Variants in FAM216A observed in about 807,000 individuals in gnomAD.
The protein encoded by FAM216A is protein FAM216A.
A neutral mutation model predicts 37.6 loss-of-function variants in FAM216A; 26 were observed. The observed-to-expected ratio is 0.69, with a 90% confidence interval of 0.51 to 0.96. FAM216A has a LOEUF of 0.96. Ranked by LOEUF, FAM216A falls within the 40% of genes least tolerant of loss-of-function variation. The probability of loss-of-function intolerance (pLI) is 0.00; values close to 1 mark genes in which losing one functional copy is unlikely to be tolerated. For missense variants in FAM216A, 326 were observed against 339.3 expected (o/e 0.96, Z 0.31); for synonymous variants, 110 against 121.7 (o/e 0.90, Z 0.64).
rs1055929397 is a variant in FAM216A, at chr12:110,468,858, C to A, written c.-18C>A. 1 of 1,486,666 alleles carries A rather than the reference C, an allele frequency of 6.7e-7. No homozygotes were observed. Among genetic ancestry groups the A allele is most frequent in the African/African-American group, 1.4e-5 (1 of 71,640 alleles). 92.1% of individuals were successfully genotyped at this position (1,486,666 alleles called of 1,614,324 possible). On this transcript the variant is annotated 5_prime_UTR_variant, in exon 1 of 7. Coordinates refer to ENST00000377673, the MANE Select transcript of FAM216A (RefSeq NM_013300.3). The stretch of plus-strand genomic sequence containing the variant: ...CGGAATACCAGCAGCCTGACGCACG[C>A]GTGCTGTCGGGGGAGGGATGCTGGG...
intron 2 of FAM216A, among the ~76,000 whole-genome samples, chr12:110,483,229 C>G (rs1421946452): frequency 6.6e-6 from 1 of 151,152 alleles, no homozygotes; most frequent in Non-Finnish European, 1.5e-5. Flanking sequence ...GAGGCTGAGG[C>G]AGGAGAATGG....
intron 2 of FAM216A, among the ~76,000 whole-genome samples, chr12:110,477,077 G>T (rs180986267): frequency 6.6e-4 from 101 of 152,276 alleles, no homozygotes; most frequent in African/African-American, 2.3e-3. Flanking sequence ...TGTTTCCTCC[G>T]ATGAGATTCA....
intron 6 of FAM216A, among the ~76,000 whole-genome samples, chr12:110,488,410 C>CAAAAAA (rs572459416): frequency 3.9e-5 from 2 of 50,936 alleles, no homozygotes; most frequent in Non-Finnish European, 8.3e-5. Flanking sequence ...GACTCCATCT[C>CAAAAAA]AAAAAAAAAA....
chr12:110,469,140 G>A, intron 1 of FAM216A, 122 bp downstream of exon 1: 1 of 1,153,108 alleles, frequency 8.7e-7, no homozygotes, highest in Non-Finnish European at 1.1e-6. Context: ...GCTGGCCCCG[G>A]TGCCCTCAAG....
chr12:110,488,421 A>AG (rs1245318141), intron 6 of FAM216A, among the ~76,000 whole-genome samples: 1 of 151,770 alleles, frequency 6.6e-6, no homozygotes, highest in East Asian at 1.9e-4. Context: ...AAAAAAAAAA[A>AG]AAAAAAGAAA....
chr12:110,488,009 A>G, intron 6 of FAM216A, 66 bp downstream of exon 6: 1 of 902,826 alleles, frequency 1.1e-6, no homozygotes, highest in Admixed American at 2.2e-5. Flanking sequence ...TATACCAAAT[A>G]CAATTTCATT....
chr12:110,485,277 TAGAG>T, intron 3 of FAM216A, 78 bp downstream of exon 3: 2 of 1,354,590 alleles, frequency 1.5e-6, no homozygotes, highest in East Asian at 4.7e-5. Context: ...ATCAGCTGCT[TAGAG>T]GGTGAGATAC....
At chr12:110,489,805 A>G (rs1362524420) in intron 6 of FAM216A, among the ~76,000 whole-genome samples, 1 of 152,218 alleles carries the variant, frequency 6.6e-6, no homozygotes, top group Non-Finnish European at 1.5e-5. Flanking sequence ...CTTAGTAACA[A>G]GAGAATTTGC....
At chr12:110,469,591 C>A (rs1219265340) in intron 1 of FAM216A, among the ~76,000 whole-genome samples, 3 of 151,784 alleles carry the variant, frequency 2.0e-5, no homozygotes, top group African/African-American at 4.8e-5. Flanking sequence ...CTCACTGCAA[C>A]CTCAGCCTCC....
At chr12:110,483,749 T>C (rs1243970093) in intron 2 of FAM216A, among the ~76,000 whole-genome samples, 1 of 151,736 alleles carries the variant, frequency 6.6e-6, no homozygotes, top group Non-Finnish European at 1.5e-5. Flanking sequence ...ACCTGGGAGG[T>C]GGAGGTTGCA....
chr12:110,474,102 G>A (rs2062702296), intron 2 of FAM216A, among the ~76,000 whole-genome samples: 1 of 151,978 alleles, frequency 6.6e-6, no homozygotes, highest in South Asian at 2.1e-4. Flanking sequence ...ATATATGTGT[G>A]CATATATACA....
At position 110,469,093 on chromosome 12, in the gene FAM216A, C is replaced by T. The variant is rs985731676; in HGVS notation, c.143+75C>T. On this transcript the variant is annotated intron_variant, in intron 1 of 6. Transcript: ENST00000377673. ...CGTGAGGCCCCCGGGTCGTGAGCCC[C>T]GTGGAGGAGGGCTGCGGCCGACCTC... 5.1e-4 allele frequency: 679 copies of T among 1,334,374 alleles called. 5 individuals are homozygous for T. The highest frequency in any genetic ancestry group is 2.7e-4 in the Non-Finnish European group (277 of 1,040,712). 82.7% of individuals were successfully genotyped at this position (1,334,374 alleles called of 1,614,324 possible).
intron 2 of FAM216A, among the ~76,000 whole-genome samples, chr12:110,482,655 C>T (rs943064490): frequency 4.0e-5 from 6 of 151,278 alleles, no homozygotes; most frequent in South Asian, 4.2e-4. Flanking sequence ...ATTAGCCGGG[C>T]GCAGTGGCGG....
Position 110,490,266 on chromosome 12 carries a change from A to G in FAM216A, c.*129A>G, listed in dbSNP as rs140090013. ...GTAATTTTGGTTTGTTCAGAAACTT[A>G]AAACAATGTAATTGGTCTGATGTAG... is the stretch of plus-strand genomic sequence containing the variant. On this transcript the variant is annotated 3_prime_UTR_variant, in exon 7 of 7. Transcript: ENST00000377673. 1,479 of 705,576 alleles carry G rather than the reference A, an allele frequency of 2.1e-3. No homozygotes were observed. Among genetic ancestry groups the G allele is most frequent in the Non-Finnish European group, 3.4e-3 (1,320 of 393,124 alleles). The allele number at this position is 705,576 out of a possible 1,614,324, so 43.7% of individuals were successfully genotyped here.
intron 5 of FAM216A, 155 bp from the exon 6 acceptor site, chr12:110,487,706 A>C (rs887673087): frequency 7.9e-6 from 5 of 634,040 alleles, no homozygotes; most frequent in African/African-American, 7.5e-5. Context: ...GCAGCTTTAC[A>C]TGTCAGGGTT....
intron 2 of FAM216A, among the ~76,000 whole-genome samples, chr12:110,474,776 C>T (rs2062706178): frequency 6.8e-6 from 1 of 146,402 alleles, no homozygotes; most frequent in Admixed American, 6.8e-5. Flanking sequence ...CTGAGGCGGG[C>T]AGATCACCTG....
At chr12:110,471,855 T>C (rs1319192560) in intron 1 of FAM216A, among the ~76,000 whole-genome samples, 1 of 152,196 alleles carries the variant, frequency 6.6e-6, no homozygotes, top group Admixed American at 6.6e-5. Flanking sequence ...GTCTTAAGTT[T>C]AGAAAAGAAA....
upstream of FAM216A, chr12:110,468,503 G>C: frequency 6.5e-7 from 1 of 1,537,222 alleles, no homozygotes; most frequent in South Asian, 1.2e-5. Context: ...ATAAAGCTCC[G>C]CATCCTTGCG....
chr12:110,474,786 G>C (rs1289528555), intron 2 of FAM216A, among the ~76,000 whole-genome samples: 1 of 150,120 alleles, frequency 6.7e-6, no homozygotes, highest in Non-Finnish European at 1.5e-5. Flanking sequence ...CAGATCACCT[G>C]AGGTCAGAAA....
Sources: gnomAD v4.1 joint callset for allele counts (sites outside exome capture counted in the v4.1 genomes callset) on GRCh38, gnomAD v4.1.1 for gene constraint, MANE v1.5 for transcripts, NCBI Gene and HGNC (gene_info 2026-07-23, HGNC 2026-07-21) for gene names.